The following MOXD1 variants were observed in gnomAD, a reference collection of about 807,000 sequenced individuals.
MOXD1 encodes DBH-like monooxygenase protein 1.
A neutral mutation model predicts 66.6 loss-of-function variants in MOXD1; 62 were observed. That is an observed-to-expected ratio of 0.93 (90% CI 0.76 to 1.15). The LOEUF (loss-of-function observed/expected upper bound fraction) is 1.15, where lower values mean the gene tolerates loss of function less well. Ranked by LOEUF, MOXD1 falls within the 50% of genes most tolerant of loss-of-function variation. The probability of loss-of-function intolerance (pLI) is 0.00; values close to 1 mark genes in which losing one functional copy is unlikely to be tolerated. For synonymous variants in MOXD1, 303 were observed against 281.9 expected, an observed-to-expected ratio of 1.07 and a Z score of -0.75; for missense variants, 847 against 754.6, an observed-to-expected ratio of 1.12 and a Z score of -1.44.
intron 4 of MOXD1, among the ~76,000 whole-genome samples, chr6:132,368,310 G>A (rs1237766425): frequency 6.6e-6 from 1 of 152,054 alleles, no homozygotes; most frequent in East Asian, 1.9e-4. Context: ...CTGAAATATG[G>A]AGAGGTGGGC....
chr6:132,304,907 A>G (rs1486248954), intron 10 of MOXD1, among the ~76,000 whole-genome samples: 1 of 152,214 alleles, frequency 6.6e-6, no homozygotes, highest in Admixed American at 6.5e-5. Flanking sequence ...TAAGAATGAA[A>G]AATATATTAT....
rs1776301377 is a variant in MOXD1 at position 132,373,058 on chromosome 6, G to T, written c.412-61C>A. 3.5e-6 allele frequency: 5 copies of T among 1,447,982 alleles called. No homozygotes were observed. The Middle Eastern group carries it at 5.6e-4, about 161-fold the overall frequency. The allele number at this position is 1,447,982 out of a possible 1,614,324, so 89.7% of individuals were successfully genotyped here. A position where few individuals can be genotyped will look rare whatever the true frequency, so the allele number is the denominator to read the frequency against. On this transcript the variant is annotated intron_variant, in intron 2 of 11. Coordinates refer to ENST00000367963, the MANE Select transcript of MOXD1 (RefSeq NM_015529.4). ...AGAGCACTTTCCTTACCACTGAGTT[G>T]AGTTTAAAGAACTCTATTGTAAACA... is the stretch of plus-strand genomic sequence containing the variant.
In MOXD1 at chr6:132,328,445, A is replaced by T. The variant is rs1775236846; in HGVS notation, c.813T>A (p.Thr271=). ...NMPDAFLTCE[T]VIFAWAIGGE... ...CACCAATAGCCCAGGCAAAAATCAC[A>T]GTTTCACAGGTGAGGAATGCATCGG... Residue 271 remains threonine, a synonymous_variant, in exon 5 of 12, where the codon ACT becomes ACA. Coordinates refer to ENST00000367963, the MANE Select transcript of MOXD1 (RefSeq NM_015529.4). 1 of 1,614,102 alleles carries T rather than the reference A, an allele frequency of 6.2e-7. No individual in the cohort carries two copies. Among genetic ancestry groups the T allele is most frequent in the Non-Finnish European group, 8.5e-7 (1 of 1,180,020 alleles).
At chr6:132,369,274 C>T (rs887645086) in intron 4 of MOXD1, among the ~76,000 whole-genome samples, 2 of 152,060 alleles carry the variant, frequency 1.3e-5, no homozygotes, top group Non-Finnish European at 2.9e-5. Flanking sequence ...ACGTTGCTGT[C>T]AATCGGAAAA....
At chr6:132,380,728 T>C (rs1413537497) in intron 1 of MOXD1, among the ~76,000 whole-genome samples, 1 of 152,096 alleles carries the variant, frequency 6.6e-6, no homozygotes, top group Non-Finnish European at 1.5e-5. Context: ...ACATTGTCAA[T>C]GGAACAAAAA....
At chr6:132,297,998 A>G in intron 10 of MOXD1, 43 bp from the exon 11 acceptor site, 13 of 1,521,524 alleles carry the variant, frequency 8.5e-6, no homozygotes, top group Non-Finnish European at 1.2e-5. Flanking sequence ...GAACAAATGC[A>G]TTACATGTTT....
chr6:132,355,955 C>T lies in MOXD1; in HGVS notation c.663+16653G>A, dbSNP rs1775901813. Among the ~76,000 whole-genome samples, 3 of 152,184 alleles carry T rather than the reference C, an allele frequency of 2.0e-5. No homozygotes were observed. In the South Asian group the frequency reaches 6.2e-4, roughly 32 times the overall value. On this transcript the variant is annotated intron_variant, in intron 4 of 11. Transcript: ENST00000367963. ...CTACAAACAACATGGCCAACTTGCA[C>T]ATCCCGTTCGGCAAAAAAAGCCAGA...
intron 4 of MOXD1, among the ~76,000 whole-genome samples, chr6:132,343,400 C>T (rs543067536): frequency 6.6e-6 from 1 of 152,004 alleles, no homozygotes; most frequent in Middle Eastern, 3.2e-3. Flanking sequence ...CATGGTGAAA[C>T]CCCGTTTCTA....
Position 132,401,216 on chromosome 6 carries a change from C to G in MOXD1, c.211G>C (p.Ala71Pro). Residue 71 changes from alanine to proline, a missense_variant, in exon 1 of 12, where the codon GCG (alanine) becomes CCG (proline). Coordinates refer to ENST00000367963, the MANE Select transcript of MOXD1 (RefSeq NM_015529.4). ...CCGCCCACGACGATGTCGGCGGACG[C>G]CATGGCCCCGGTGGGCGAGAAGCCG... ...GFGFSPTGAM[A>P]SADIVVGGVA... The G allele has an allele frequency of 2.5e-6, 4 of 1,569,598 alleles. No homozygotes were observed. Among genetic ancestry groups the G allele is most frequent in the Non-Finnish European group, 3.4e-6 (4 of 1,166,148 alleles).
intron 4 of MOXD1, among the ~76,000 whole-genome samples, chr6:132,335,201 G>GAA (rs60909726): frequency 0.05 from 7,189 of 144,872 alleles, 702 homozygotes; most frequent in East Asian, 0.43. Flanking sequence ...CCGAGTATTG[G>GAA]AAAAAAAAAA....
At chr6:132,370,134 G>A (rs564416391) in intron 4 of MOXD1, among the ~76,000 whole-genome samples, 2 of 152,148 alleles carry the variant, frequency 1.3e-5, no homozygotes, top group South Asian at 2.1e-4. Flanking sequence ...TTTTGATACA[G>A]TGATTTATGG....
intron 10 of MOXD1, among the ~76,000 whole-genome samples, chr6:132,307,418 T>C (rs1245529119): frequency 6.6e-6 from 1 of 152,174 alleles, no homozygotes; most frequent in Non-Finnish European, 1.5e-5. Context: ...ACAATAATAG[T>C]GGGAGACTTT....
chr6:132,322,034 T>C (rs1300601344), intron 8 of MOXD1, among the ~76,000 whole-genome samples: 1 of 152,214 alleles, frequency 6.6e-6, no homozygotes, highest in African/African-American at 2.4e-5. Context: ...TCGTAAATGG[T>C]ATAGGGATCT....
intron 10 of MOXD1, 44 bp from the exon 11 acceptor site, chr6:132,297,999 T>C (rs1171674981): frequency 1.3e-6 from 2 of 1,519,694 alleles, no homozygotes; most frequent in Non-Finnish European, 1.8e-6. Flanking sequence ...AACAAATGCA[T>C]TACATGTTTC....
chr6:132,349,844 G>A (rs1486653733), intron 4 of MOXD1, among the ~76,000 whole-genome samples: 1 of 152,042 alleles, frequency 6.6e-6, no homozygotes. Context: ...ATTGCACTGT[G>A]GTTTTGATTT....
At position 132,371,381 on chromosome 6, in the gene MOXD1, A is replaced by C. The variant is rs1222146768; in HGVS notation, c.663+1227T>G. Among the ~76,000 whole-genome samples the C allele has an allele frequency of 2.0e-5, 3 of 152,084 alleles. No homozygotes were observed. The South Asian group carries it at 6.2e-4, about 32-fold the overall frequency. Reference sequence around the variant, plus strand: ...CTCCTGTTTGCAAAAATAACCTATAAATATTTAGGACTACATATTAACTCA... The same window carrying C: ...CTCCTGTTTGCAAAAATAACCTATACATATTTAGGACTACATATTAACTCA... On this transcript the variant is annotated intron_variant, in intron 4 of 11. Coordinates refer to ENST00000367963, the MANE Select transcript of MOXD1 (RefSeq NM_015529.4).
intron 1 of MOXD1, among the ~76,000 whole-genome samples, chr6:132,398,535 C>T (rs1464791250): frequency 2.0e-5 from 3 of 152,064 alleles, no homozygotes; most frequent in Admixed American, 6.5e-5. Context: ...ATTGATGCCC[C>T]GGGAGCCAAT....
At chr6:132,375,919 A>G (rs560200477) in intron 1 of MOXD1, among the ~76,000 whole-genome samples, 4 of 152,356 alleles carry the variant, frequency 2.6e-5, no homozygotes, top group Admixed American at 6.5e-5. Context: ...TGAAAAATAA[A>G]CAAATGAGAT....
At chr6:132,386,163 G>A (rs1169177685) in intron 1 of MOXD1, among the ~76,000 whole-genome samples, 10 of 143,352 alleles carry the variant, frequency 7.0e-5, no homozygotes. Flanking sequence ...AGCGCTTTGG[G>A]AGGCCGAGGC....
Sources: allele counts gnomAD v4.1 joint callset (sites outside exome capture counted in the v4.1 genomes callset), GRCh38; gene constraint gnomAD v4.1.1; transcripts MANE v1.5; gene names NCBI Gene and HGNC (gene_info 2026-07-23, HGNC 2026-07-21).